The following TRMT44 variants were observed in gnomAD, a reference collection of about 807,000 sequenced individuals.
TRMT44 encodes the protein tRNA methyltransferase 44 homolog.
Under a neutral mutation model 77.3 loss-of-function variants are expected in TRMT44, and 78 were observed. The ratio of observed to expected loss-of-function variants is 1.01; its 90% confidence interval spans 0.84 to 1.22. The LOEUF (loss-of-function observed/expected upper bound fraction) is 1.22, where lower values mean the gene tolerates loss of function less well. TRMT44 is among the 50% of genes most tolerant of loss of function. TRMT44 has a pLI of 0.00. For synonymous variants in TRMT44, 391 were observed against 383.3 expected (o/e 1.02, Z -0.23); for missense variants, 1,090 against 964.4 (o/e 1.13, Z -1.73).
the TRMT44 span, among the ~76,000 whole-genome samples, chr4:8,515,384 A>C: frequency 6.6e-6 from 1 of 152,218 alleles, no homozygotes; most frequent in African/African-American, 2.4e-5. Context: ...GGCAGCGGTG[A>C]ACAGCTGTCC....
chr4:8,505,378 C>T, the TRMT44 span, among the ~76,000 whole-genome samples: 3 of 152,166 alleles, frequency 2.0e-5, no homozygotes, highest in Non-Finnish European at 4.4e-5. Flanking sequence ...GAGCCTCCTG[C>T]CCTGGGAGGC....
At chr4:8,503,206 C>T in the TRMT44 span, among the ~76,000 whole-genome samples, 2 of 152,204 alleles carry the variant, frequency 1.3e-5, no homozygotes, top group African/African-American at 2.4e-5. Context: ...CTGCAGGAGC[C>T]GCATTTAGGG....
downstream of TRMT44, among the ~76,000 whole-genome samples, chr4:8,495,956 G>A (rs757119129): frequency 1.4e-4 from 21 of 152,160 alleles, no homozygotes; most frequent in Non-Finnish European, 2.5e-4. Context: ...CATTCTGATT[G>A]TTTCCCTCCT....
At chr4:8,481,445 T>A (rs552479600), downstream of TRMT44, among the ~76,000 whole-genome samples, 1 of 152,174 alleles carries the variant, frequency 6.6e-6, no homozygotes, top group Non-Finnish European at 1.5e-5. Flanking sequence ...ATAAATCTCT[T>A]CAATATTTTA....
In TRMT44 at chr4:8,468,962, C is replaced by T. The variant is rs547264382; in HGVS notation, c.1927+616C>T. The stretch of plus-strand genomic sequence containing the variant: ...GAGGGTGGTGTAGAGCTGCAGCCAA[C>T]GCCTGGCTTCTCTTGCAGTTTTGGG... On this transcript the variant is annotated intron_variant, in intron 9 of 10. Transcript: ENST00000389737. Among the ~76,000 whole-genome samples the T allele has an allele frequency of 1.2e-4, 18 of 152,022 alleles. No homozygotes were observed. In the South Asian group the frequency reaches 1.5e-3, roughly 12 times the overall value.
downstream of TRMT44, among the ~76,000 whole-genome samples, chr4:8,498,051 A>G (rs1223800147): frequency 6.6e-6 from 1 of 152,186 alleles, no homozygotes; most frequent in Non-Finnish European, 1.5e-5. This position sits in a 1 kb window ranked among gnomAD's most constrained non-coding sequence, Gnocchi z 4.3. Flanking sequence ...CACCCACTCC[A>G]GTGCAAATCA....
downstream of TRMT44, among the ~76,000 whole-genome samples, chr4:8,481,430 T>A (rs961254072): frequency 1.3e-5 from 2 of 152,256 alleles, no homozygotes; most frequent in Admixed American, 6.5e-5. Flanking sequence ...CATATTTGGC[T>A]CAGAATAAAT....
downstream of TRMT44, among the ~76,000 whole-genome samples, chr4:8,497,441 C>T (rs920219032): frequency 5.9e-5 from 9 of 152,114 alleles, no homozygotes; most frequent in East Asian, 3.9e-4. Context: ...GTCAGGAGAT[C>T]GAGACCATCC....
At chr4:8,485,318 CG>C (rs1281019161) in intron 2 of TRMT44, among the ~76,000 whole-genome samples, 1 of 152,020 alleles carries the variant, frequency 6.6e-6, no homozygotes, top group African/African-American at 2.4e-5. Flanking sequence ...AAAGAATGTA[CG>C]GGTTGGGCAC....
At chr4:8,493,511 C>A (rs1728070818) in exon 3 of TRMT44, 1 of 152,188 alleles carries the variant, frequency 6.6e-6, no homozygotes, top group Non-Finnish European at 1.5e-5. Context: ...CTCCGGTCTT[C>A]CACACGGCCG....
intron 2 of TRMT44, among the ~76,000 whole-genome samples, chr4:8,482,026 A>G (rs571389427): frequency 1.1e-4 from 16 of 152,338 alleles, no homozygotes; most frequent in African/African-American, 1.7e-4. Context: ...GTTGAGGTCT[A>G]TGCTTCAGAC....
At chr4:8,500,665 T>C in the TRMT44 span, among the ~76,000 whole-genome samples, 1 of 150,958 alleles carries the variant, frequency 6.6e-6, no homozygotes, top group Non-Finnish European at 1.5e-5. Flanking sequence ...TTTACTTTTT[T>C]TTTTTTTTTG....
chr4:8,505,956 ACTCCCC>A, the TRMT44 span, among the ~76,000 whole-genome samples: 1 of 151,834 alleles, frequency 6.6e-6, no homozygotes, highest in Non-Finnish European at 1.5e-5. Flanking sequence ...TTTCCTGAGG[ACTCCCC>A]AACCATGTGG....
In TRMT44 at chr4:8,444,520, C is replaced by T. The variant is rs1724944220; in HGVS notation, c.620-1956C>T. 6.6e-6 allele frequency among the ~76,000 whole-genome samples: 1 copy of T among 151,890 alleles called. No homozygotes were observed. Among genetic ancestry groups the T allele is most frequent in the Non-Finnish European group, 1.5e-5 (1 of 67,982 alleles). ...TCGAGCGATTCTCCTAACTTAGCCTCCCAAGCAGCTGGGATTACAGGCATG... is the reference window on the plus strand; with the variant it reads ...TCGAGCGATTCTCCTAACTTAGCCTTCCAAGCAGCTGGGATTACAGGCATG... On this transcript the variant is annotated intron_variant, in intron 1 of 10. Coordinates refer to ENST00000389737, the MANE Select transcript of TRMT44 (RefSeq NM_152544.3). The surrounding 1 kb of genome is among the most constrained non-coding windows in gnomAD (Gnocchi z 4.0).
Position 8,440,938 on chromosome 4 carries a change from G to C in TRMT44, c.116G>C (p.Cys39Ser), listed in dbSNP as rs758774873. Residue 39 changes from cysteine (C) to serine (S), a missense_variant, in exon 1 of 11, where the codon TGC becomes TCC. Transcript: ENST00000389737. ...ERPQVANKRLCGARLEARWSA... is the reference protein window; with the variant it reads ...ERPQVANKRLSGARLEARWSA... ...CCGCAGGTGGCAAACAAACGGCTTTGCGGCGCCCGCCTGGAGGCCCGCTGG... is the reference window on the plus strand; with the variant it reads ...CCGCAGGTGGCAAACAAACGGCTTTCCGGCGCCCGCCTGGAGGCCCGCTGG... The C allele has an allele frequency of 3.3e-5, 50 of 1,529,966 alleles. No homozygotes were observed. The highest frequency in any genetic ancestry group is 3.5e-6 in the Non-Finnish European group (4 of 1,145,372). 94.8% of individuals were successfully genotyped at this position (1,529,966 alleles called of 1,614,324 possible).
intron 6 of TRMT44, among the ~76,000 whole-genome samples, chr4:8,457,244 T>TA (rs1415568399): frequency 6.6e-6 from 1 of 152,146 alleles, no homozygotes; most frequent in East Asian, 1.9e-4. Context: ...GGACTGCCCT[T>TA]ATCTGTAAAG....
At chr4:8,447,067 G>C (rs1234312721) in intron 2 of TRMT44, among the ~76,000 whole-genome samples, 1 of 152,060 alleles carries the variant, frequency 6.6e-6, no homozygotes, top group Non-Finnish European at 1.5e-5. Context: ...GTAGAGACGG[G>C]GTTTCGCCAT....
intron 6 of TRMT44, among the ~76,000 whole-genome samples, chr4:8,460,522 A>G (rs570743172): frequency 6.6e-6 from 1 of 152,146 alleles, no homozygotes; most frequent in Admixed American, 6.5e-5. Flanking sequence ...AAATAAGTAG[A>G]AAAATATTCC....
chr4:8,459,684 C>T (rs1451437764), intron 6 of TRMT44, among the ~76,000 whole-genome samples: 3 of 152,164 alleles, frequency 2.0e-5, no homozygotes, highest in African/African-American at 4.8e-5. Context: ...AGCAAGAATT[C>T]TGAGCACTAC....
Sources: allele counts gnomAD v4.1 joint callset (sites outside exome capture counted in the v4.1 genomes callset), GRCh38; gene constraint gnomAD v4.1.1; non-coding constraint Gnocchi (gnomAD v3.1); transcripts MANE v1.5; gene names NCBI Gene and HGNC (gene_info 2026-07-23, HGNC 2026-07-21).